The following TMEM175 variants were observed in gnomAD, a reference collection of about 807,000 sequenced individuals.
TMEM175 encodes the protein transmembrane protein 175.
Under a neutral mutation model 36.5 loss-of-function variants are expected in TMEM175, and 36 were observed. The ratio of observed to expected loss-of-function variants is 0.99; its 90% confidence interval spans 0.76 to 1.30. The LOEUF (loss-of-function observed/expected upper bound fraction) is 1.30, where lower values mean the gene tolerates loss of function less well. TMEM175 is among the 50% of genes most tolerant of loss of function. The pLI is 0.00. For missense variants in TMEM175, 705 were observed against 692.8 expected, an observed-to-expected ratio of 1.02 and a Z score of -0.20; for synonymous variants, 339 against 313.4, an observed-to-expected ratio of 1.08 and a Z score of -0.86.
intron 1 of TMEM175, among the ~76,000 whole-genome samples, chr4:943,972 G>T (rs1337988363): frequency 2.0e-5 from 3 of 152,118 alleles, no homozygotes; most frequent in Admixed American, 6.6e-5. Flanking sequence ...TCTGGAGGGT[G>T]CGATTCCGTT....
At position 950,528 on chromosome 4, in the gene TMEM175, C is replaced by T. The variant is rs373150320; in HGVS notation, c.290+10C>T. 5.6e-5 allele frequency: 90 copies of T among 1,610,126 alleles called. 1 individual carries two copies. The South Asian group carries it at 6.7e-4, about 12-fold the overall frequency. ...GGGCAGCACACACAAGGTGGGGGCC[C>T]GGGCGCTTCCAGCGGTCCATAGCTG... On this transcript the variant is annotated intron_variant, in intron 4 of 10. Transcript: ENST00000264771.
Position 958,505 on chromosome 4 carries a change from G to C in TMEM175, c.*9G>C, listed in dbSNP as rs1225290041. The C allele has an allele frequency of 6.6e-7, 1 of 1,503,908 alleles. No homozygotes were observed. The highest frequency in any genetic ancestry group is 2.4e-5 in the East Asian group (1 of 41,270). 93.2% of individuals were successfully genotyped at this position (1,503,908 alleles called of 1,614,324 possible). A position where few individuals can be genotyped will look rare whatever the true frequency, so the allele number is the denominator to read the frequency against. ...TCCCTGCCCCCTGCTAGCAGCCACA[G>C]AGCCCACTCCCAGCCGTCCTCACCA... On this transcript the variant is annotated 3_prime_UTR_variant, in exon 11 of 11. Transcript: ENST00000264771.
Position 957,989 on chromosome 4 carries a change from G to C in TMEM175, c.1008G>C (p.Lys336Asn). The C allele has an allele frequency of 6.2e-7, 1 of 1,612,828 alleles. No homozygotes were observed. Among genetic ancestry groups the C allele is most frequent in the Non-Finnish European group, 8.5e-7 (1 of 1,179,920 alleles). Residue 336 changes from lysine (K) to asparagine (N), a missense_variant, in exon 11 of 11, where the codon AAG becomes AAC. Transcript: ENST00000264771. The part of the protein sequence containing the change: ...AHHSLFLHVR[K>N]ATRAMGLLNT... ...ACTCACTCTTCCTGCATGTGCGCAA[G>C]GCCACGCGGGCCATGGGGCTGCTGA...
At position 957,938 on chromosome 4, in the gene TMEM175, A is replaced by G. The variant is rs1285556480; in HGVS notation, c.957A>G (p.Thr319=). The G allele has an allele frequency of 6.2e-7, 1 of 1,612,736 alleles. No homozygotes were observed. Residue 319 remains threonine (T), a synonymous_variant, in exon 11 of 11, where the codon ACA becomes ACG. Transcript: ENST00000264771. ...TGGCGTACTTCGGCTCCTTCGCCAC[A>G]GTGGGACTGCTGTGGTTCGCCCACC... ...RFLAYFGSFA[T]VGLLWFAHHS...
At position 958,399 on chromosome 4, in the gene TMEM175, T is replaced by C; in HGVS notation, c.1418T>C (p.Leu473Pro). The part of the protein sequence containing the change: ...RLLVGLALAT[L>P]RVLRGLARPE... ...CTCGTGGGCCTGGCCCTGGCCACCC[T>C]GCGGGTCCTGCGGGGCCTCGCCCGG... Residue 473 changes from leucine (L) to proline (P), a missense_variant, in exon 11 of 11, where the codon CTG becomes CCG. Coordinates refer to ENST00000264771, the MANE Select transcript of TMEM175 (RefSeq NM_032326.4). 6.3e-7 allele frequency: 1 copy of C among 1,599,972 alleles called. No individual in the cohort carries two copies. The highest frequency in any genetic ancestry group is 8.5e-7 in the Non-Finnish European group (1 of 1,179,102).
chr4:952,213 G>GC (rs1728977997), intron 6 of TMEM175, among the ~76,000 whole-genome samples, 154 bp from the exon 7 acceptor site: 1 of 152,256 alleles, frequency 6.6e-6, no homozygotes, highest in African/African-American at 2.4e-5. Context: ...TTGGACACAT[G>GC]CCCCCCAGCA....
intron 8 of TMEM175, among the ~76,000 whole-genome samples, chr4:954,277 G>A (rs1430815697): frequency 6.6e-6 from 1 of 152,218 alleles, no homozygotes; most frequent in East Asian, 1.9e-4. Context: ...ATGAGCCACT[G>A]CGTCCAGCCT....
At chr4:957,114 C>T (rs1251928571) in intron 10 of TMEM175, among the ~76,000 whole-genome samples, 1 of 152,342 alleles carries the variant, frequency 6.6e-6, no homozygotes, top group South Asian at 2.1e-4. Context: ...GGAGCTGCCC[C>T]CTCCCAGCAA....
chr4:937,972 G>GATTTA, intron 1 of TMEM175, among the ~76,000 whole-genome samples: 1 of 150,782 alleles, frequency 6.6e-6, no homozygotes, highest in Non-Finnish European at 1.5e-5. Context: ...GCATTTGACA[G>GATTTA]AATCCAACAT....
At chr4:956,146 T>C (rs1577450469) in intron 10 of TMEM175, 1 of 676,738 alleles carries the variant, frequency 1.5e-6, no homozygotes, top group South Asian at 2.0e-5. Flanking sequence ...GGTGCCAGGG[T>C]GAGGTCAGCA....
chr4:940,971 A>T lies in TMEM175; in HGVS notation c.-31-6738A>T, dbSNP rs1379754326. ...CAGTGAGCCAAGATTGTGCCACTGC[A>T]CTCCAGCCTGGGTGACAGAGTGAGA... On this transcript the variant is annotated intron_variant, in intron 1 of 10. Coordinates refer to ENST00000264771, the MANE Select transcript of TMEM175 (RefSeq NM_032326.4). 1.3e-4 allele frequency among the ~76,000 whole-genome samples: 19 copies of T among 150,668 alleles called. No homozygotes were observed. In the Middle Eastern group the frequency reaches 0.011, roughly 84 times the overall value.
intron 10 of TMEM175, among the ~76,000 whole-genome samples, chr4:957,405 T>G (rs902013205): frequency 5.3e-5 from 8 of 152,156 alleles, no homozygotes; most frequent in African/African-American, 1.9e-4. Flanking sequence ...AGGCAAGCCC[T>G]CTGCAGATCT....
intron 1 of TMEM175, among the ~76,000 whole-genome samples, chr4:941,004 TC>T (rs1727384691): frequency 9.7e-6 from 1 of 103,560 alleles, no homozygotes; most frequent in Non-Finnish European, 1.9e-5. Context: ...AGACTCCGTC[TC>T]AAAATAATAA....
Position 956,246 on chromosome 4 carries a change from C to T in TMEM175, c.842+356C>T, listed in dbSNP as rs1048166272. The T allele has an allele frequency of 2.5e-6, 3 of 1,189,364 alleles. No homozygotes were observed. The African/African-American group carries it at 4.8e-5, about 19-fold the overall frequency. The allele number at this position is 1,189,364 out of a possible 1,614,324, so 73.7% of individuals were successfully genotyped here. On this transcript the variant is annotated intron_variant, in intron 10 of 10. Transcript: ENST00000264771. ...CCCAGGCCTCACCCCTGCCCCAACA[C>T]CAGCCCCTCCTAGTCCCTAGTCCCT...
At chr4:951,320 A>G in intron 5 of TMEM175, 62 bp downstream of exon 5, 2 of 1,590,480 alleles carry the variant, frequency 1.3e-6, no homozygotes, top group Admixed American at 1.7e-5. Context: ...CCCTCAGGGA[A>G]GAGGGGAAGG....
At chr4:949,723 G>A (rs551959435) in intron 3 of TMEM175, among the ~76,000 whole-genome samples, 11 of 141,044 alleles carry the variant, frequency 7.8e-5, no homozygotes, top group East Asian at 3.9e-4. Flanking sequence ...GCTGGAGGGC[G>A]AGGGCCCCGG....
In TMEM175 at chr4:958,226, G is replaced by A; in HGVS notation, c.1245G>A (p.Glu415=). Residue 415 remains glutamate, a synonymous_variant, in exon 11 of 11, where the codon GAG becomes GAA. Coordinates refer to ENST00000264771, the MANE Select transcript of TMEM175 (RefSeq NM_032326.4). ...CCTCGGTGTGGTTTGGCGGCCGGGA[G>A]CATGTGCTCATGTTCGCCAAGCTGG... ...LQPSVWFGGR[E]HVLMFAKLAL... 3 of 1,603,080 alleles carry A rather than the reference G, an allele frequency of 1.9e-6. No individual in the cohort carries two copies. The highest frequency in any genetic ancestry group is 2.2e-5 in the South Asian group (2 of 91,016).
intron 1 of TMEM175, among the ~76,000 whole-genome samples, chr4:936,417 G>T (rs1364825823): frequency 6.6e-6 from 1 of 151,718 alleles, no homozygotes; most frequent in African/African-American, 2.4e-5. Flanking sequence ...GATAACAAAA[G>T]CAATAGAGAA....
Position 957,871 on chromosome 4 carries a change from G to A in TMEM175, c.890G>A (p.Gly297Asp), listed in dbSNP as rs1729929214. ...AAGGATGTGAAGGAGAGGTTCAGCG[G>A]CAGCCTCGTGGCCGCCCTGAGTGCG... ...DPKDVKERFS[G>D]SLVAALSATG... Residue 297 changes from glycine to aspartate, a missense_variant, in exon 11 of 11, where the codon GGC (glycine) becomes GAC (aspartate). Coordinates refer to ENST00000264771, the MANE Select transcript of TMEM175 (RefSeq NM_032326.4). 1 of 1,612,422 alleles carries A rather than the reference G, an allele frequency of 6.2e-7. No individual in the cohort carries two copies. Among genetic ancestry groups the A allele is most frequent in the Non-Finnish European group, 8.5e-7 (1 of 1,179,848 alleles).
Sources: allele counts gnomAD v4.1 joint callset (sites outside exome capture counted in the v4.1 genomes callset), GRCh38; gene constraint gnomAD v4.1.1; transcripts MANE v1.5; gene names NCBI Gene and HGNC (gene_info 2026-07-23, HGNC 2026-07-21).